The following TMEM108 variants were observed in gnomAD, a reference collection of about 807,000 sequenced individuals.
The protein encoded by TMEM108 is cancer/testis antigen 124.
Under a neutral mutation model 35.1 loss-of-function variants are expected in TMEM108, and 12 were observed. The observed-to-expected ratio is 0.34, with a 90% CI of 0.22 to 0.55. TMEM108 has a LOEUF of 0.55. Among genes scored for constraint, TMEM108 ranks in the 20% least tolerant of loss-of-function variants. The pLI is 0.89. For missense variants in TMEM108, 680 were observed against 753.3 expected (o/e 0.90, Z 1.14); for synonymous variants, 287 against 308.6 (o/e 0.93, Z 0.73).
intron 2 of TMEM108, among the ~76,000 whole-genome samples, chr3:133,122,471 C>T (rs1359450370): frequency 6.6e-6 from 1 of 152,144 alleles, no homozygotes; most frequent in East Asian, 1.9e-4. Context: ...TAAAAATAAC[C>T]TGCTATCTTT....
At chr3:133,165,742 T>C (rs6771431) in intron 2 of TMEM108, among the ~76,000 whole-genome samples, 150,817 of 152,356 alleles carry the variant, frequency 0.99, 74,659 homozygotes, top group East Asian at 1. Flanking sequence ...GAGCTTTATG[T>C]TAAACAGGTT....
At chr3:133,041,264 C>T (rs917732533) in intron 1 of TMEM108, among the ~76,000 whole-genome samples, 1 of 152,168 alleles carries the variant, frequency 6.6e-6, no homozygotes, top group Non-Finnish European at 1.5e-5. Context: ...GGTAGTTACA[C>T]GTCTCAGGTT....
intron 2 of TMEM108, among the ~76,000 whole-genome samples, chr3:133,110,637 C>A (rs189450538): frequency 1.3e-5 from 2 of 152,224 alleles, no homozygotes; most frequent in Admixed American, 1.3e-4. Context: ...TGTGTTATAT[C>A]ACAGGGCCAG....
chr3:133,050,187 A>C (rs894766655), intron 2 of TMEM108, among the ~76,000 whole-genome samples: 2 of 152,154 alleles, frequency 1.3e-5, no homozygotes, highest in African/African-American at 2.4e-5. Context: ...TGTGGCAATT[A>C]GTAGTATTGC....
intron 4 of TMEM108, among the ~76,000 whole-genome samples, chr3:133,385,316 C>T (rs1427503483): frequency 6.6e-6 from 1 of 152,116 alleles, no homozygotes; most frequent in African/African-American, 2.4e-5. Flanking sequence ...CCCAGCTGTT[C>T]CAGTGTTAGA....
intron 2 of TMEM108, among the ~76,000 whole-genome samples, chr3:133,067,563 T>A (rs898698101): frequency 6.6e-6 from 1 of 152,204 alleles, no homozygotes; most frequent in Non-Finnish European, 1.5e-5. Flanking sequence ...TTAGAACACA[T>A]TTCAAGTGTC....
chr3:133,044,956 T>C (rs1262822952), intron 1 of TMEM108, among the ~76,000 whole-genome samples: 1 of 143,904 alleles, frequency 6.9e-6, no homozygotes, highest in Non-Finnish European at 1.5e-5. Context: ...AATTCTGAAG[T>C]GCTGCTTTTT....
intron 4 of TMEM108, chr3:133,387,231 T>C: frequency 1.0e-6 from 1 of 985,494 alleles, no homozygotes; most frequent in South Asian, 4.7e-5. Context: ...GCATTTTGCA[T>C]CCATGATCTC....
chr3:133,311,170 A>C (rs181010341), intron 3 of TMEM108, among the ~76,000 whole-genome samples: 1 of 152,062 alleles, frequency 6.6e-6, no homozygotes, highest in East Asian at 1.9e-4. Flanking sequence ...TTTCCACCTT[A>C]GTGAATCTGA....
At chr3:133,385,441 C>T (rs1027192576) in intron 4 of TMEM108, among the ~76,000 whole-genome samples, 5 of 152,196 alleles carry the variant, frequency 3.3e-5, no homozygotes, top group Non-Finnish European at 5.9e-5. Flanking sequence ...GGCACATTCC[C>T]GCCTGCCAGG....
intron 3 of TMEM108, among the ~76,000 whole-genome samples, chr3:133,286,613 A>G (rs1028679801): frequency 3.3e-5 from 5 of 152,218 alleles, no homozygotes; most frequent in African/African-American, 1.2e-4. Context: ...CTGGTATTAC[A>G]GCTATGAGCC....
At chr3:133,173,029 T>C (rs1945153639) in intron 2 of TMEM108, among the ~76,000 whole-genome samples, 1 of 152,150 alleles carries the variant, frequency 6.6e-6, no homozygotes, top group Admixed American at 6.5e-5. Flanking sequence ...GTCCATTAAA[T>C]CTCTTTCTTT....
At chr3:133,160,958 C>T (rs1944953519) in intron 2 of TMEM108, among the ~76,000 whole-genome samples, 1 of 152,200 alleles carries the variant, frequency 6.6e-6, no homozygotes. Context: ...CCTGCTTACA[C>T]ACCCCTCCCT....
intron 2 of TMEM108, among the ~76,000 whole-genome samples, chr3:133,087,363 A>G (rs1943896549): frequency 6.6e-6 from 1 of 152,180 alleles, no homozygotes; most frequent in Admixed American, 6.5e-5. Context: ...TTCTGGAACT[A>G]TCTCCCAGGC....
At chr3:133,300,369 T>C (rs997699588) in intron 3 of TMEM108, among the ~76,000 whole-genome samples, 8 of 152,110 alleles carry the variant, frequency 5.3e-5, no homozygotes, top group Non-Finnish European at 8.8e-5. Context: ...TTCAGATGAA[T>C]TAGGTTTATC....
At chr3:133,156,061 T>G (rs1279956871) in intron 2 of TMEM108, among the ~76,000 whole-genome samples, 1 of 145,594 alleles carries the variant, frequency 6.9e-6, no homozygotes, top group Non-Finnish European at 1.5e-5. Context: ...TTTTTATTTT[T>G]TCTTTTATTT....
intron 2 of TMEM108, among the ~76,000 whole-genome samples, chr3:133,155,165 G>A (rs1380547673): frequency 6.6e-6 from 1 of 152,092 alleles, no homozygotes; most frequent in African/African-American, 2.4e-5. Flanking sequence ...AGTTCCATCT[G>A]TGTTCCTGGA....
chr3:133,122,445 A>G (rs9816206), intron 2 of TMEM108, among the ~76,000 whole-genome samples: 32,834 of 152,178 alleles, frequency 0.22, 4,331 homozygotes, highest in Non-Finnish European at 0.3. Flanking sequence ...TTAGTTACGC[A>G]GGGATACCTG....
At chr3:133,389,225 C>A (rs2073197009) in intron 4 of TMEM108, 1 of 985,460 alleles carries the variant, frequency 1.0e-6, no homozygotes, top group South Asian at 4.7e-5. Flanking sequence ...GGTTAATCAA[C>A]AATATCGAGA....
Sources: allele counts gnomAD v4.1 joint callset (sites outside exome capture counted in the v4.1 genomes callset), GRCh38; gene constraint gnomAD v4.1.1; transcripts MANE v1.5; gene names NCBI Gene and HGNC (gene_info 2026-07-23, HGNC 2026-07-21).